KMT5B: variants seen among roughly 807,000 people sequenced by gnomAD.
The protein encoded by KMT5B is lysine methyltransferase 5B.
A neutral mutation model predicts 83.2 loss-of-function variants in KMT5B; 10 were observed. The observed-to-expected ratio is 0.12, with a 90% CI of 0.07 to 0.20. KMT5B has a LOEUF of 0.20. Among genes scored for constraint, KMT5B ranks in the 10% least tolerant of loss-of-function variants. The pLI, the probability that KMT5B is intolerant of heterozygous loss-of-function variation, is 1.00. For synonymous variants in KMT5B, 349 were observed against 388.8 expected (o/e 0.90, Z 1.20); for missense variants, 753 against 1,067.2 (o/e 0.71, Z 4.10).
intron 1 of KMT5B, among the ~76,000 whole-genome samples, chr11:68,196,129 C>A (rs1858676948): frequency 6.6e-6 from 1 of 152,086 alleles, no homozygotes; most frequent in South Asian, 2.1e-4. Context: ...TGGACTCCAG[C>A]CTGAGTGACA....
At chr11:68,209,741 G>A (rs561668435) in intron 1 of KMT5B, among the ~76,000 whole-genome samples, 2 of 152,294 alleles carry the variant, frequency 1.3e-5, no homozygotes, top group Admixed American at 6.5e-5. Context: ...AGTGGTAAGG[G>A]TGGGTCTAAA....
At chr11:68,180,863 CTT>C (rs1200532348) in intron 3 of KMT5B, among the ~76,000 whole-genome samples, 1 of 152,048 alleles carries the variant, frequency 6.6e-6, no homozygotes, top group African/African-American at 2.4e-5. Context: ...AAAAAGAAAA[CTT>C]TAGGTTTCAT....
chr11:68,160,446 G>GC (rs1401809812), intron 10 of KMT5B, among the ~76,000 whole-genome samples: 2 of 152,116 alleles, frequency 1.3e-5, no homozygotes, highest in Non-Finnish European at 2.9e-5. Context: ...CACTAGAGAA[G>GC]CCACGATAAC....
intron 4 of KMT5B, among the ~76,000 whole-genome samples, chr11:68,178,723 T>C (rs1856617805): frequency 6.6e-6 from 1 of 152,200 alleles, no homozygotes; most frequent in Admixed American, 6.5e-5. Context: ...TCAAATCCCA[T>C]TGTAACAAAT....
rs148421008 is a variant in KMT5B, at chr11:68,209,618, G to C, written c.-77+3520C>G. Among the ~76,000 whole-genome samples the C allele has an allele frequency of 1.9e-3, 291 of 152,272 alleles. 1 individual carries two copies. Among genetic ancestry groups the C allele is most frequent in the Non-Finnish European group, 3.6e-3 (244 of 68,026 alleles). On this transcript the variant is annotated intron_variant, in intron 1 of 10. Transcript: ENST00000304363. Reference sequence around the variant, plus strand: ...TTTCTACTGGTTCCCCTAACATGCAGGACTCGGGATTCGCTAGCTCAGCAA... The same window carrying C: ...TTTCTACTGGTTCCCCTAACATGCACGACTCGGGATTCGCTAGCTCAGCAA...
chr11:68,194,489 G>A (rs1244289942), intron 1 of KMT5B, among the ~76,000 whole-genome samples: 3 of 152,174 alleles, frequency 2.0e-5, no homozygotes, highest in Admixed American at 6.5e-5. Flanking sequence ...CATTGTGCCC[G>A]GCCAAGTGTT....
At chr11:68,202,122 T>C (rs776390563) in intron 1 of KMT5B, among the ~76,000 whole-genome samples, 15 of 152,100 alleles carry the variant, frequency 9.9e-5, no homozygotes, top group Non-Finnish European at 1.5e-4. Flanking sequence ...TAAATCTTTA[T>C]TTAGAAAGGC....
At chr11:68,169,153 A>C (rs1855604077) in intron 9 of KMT5B, among the ~76,000 whole-genome samples, 1 of 152,204 alleles carries the variant, frequency 6.6e-6, no homozygotes, top group African/African-American at 2.4e-5. Flanking sequence ...TCTACTTCTC[A>C]CACTAACCTT....
At chr11:68,199,021 G>A (rs943760550) in intron 1 of KMT5B, among the ~76,000 whole-genome samples, 2 of 152,172 alleles carry the variant, frequency 1.3e-5, no homozygotes, top group African/African-American at 2.4e-5. Context: ...GAGCCACCAC[G>A]CCCGGCCATT....
chr11:68,186,643 G>T (rs1345109659), intron 2 of KMT5B, among the ~76,000 whole-genome samples: 3 of 152,216 alleles, frequency 2.0e-5, no homozygotes, highest in Non-Finnish European at 4.4e-5. Context: ...GCAATGTAAA[G>T]AAGGAAATGA....
chr11:68,155,098 A>G lies in KMT5B; in HGVS notation c.*2590T>C, dbSNP rs545400339. ...TGATTGAAAATTGAATACTTTACAT[A>G]TATTTCTATGATCATCTCCTAATTC... On this transcript the variant is annotated 3_prime_UTR_variant, in exon 11 of 11. Coordinates refer to ENST00000304363, the MANE Select transcript of KMT5B (RefSeq NM_017635.5). 3 of 152,380 alleles carry G rather than the reference A, an allele frequency of 2.0e-5. No homozygotes were observed. In the South Asian group the frequency reaches 6.2e-4, roughly 32 times the overall value. 9.4% of individuals were successfully genotyped at this position (152,380 alleles called of 1,614,324 possible). A position where few individuals can be genotyped will look rare whatever the true frequency, so the allele number is the denominator to read the frequency against.
chr11:68,196,465 T>C (rs543882532), intron 1 of KMT5B, among the ~76,000 whole-genome samples: 110 of 148,244 alleles, frequency 7.4e-4, no homozygotes, highest in African/African-American at 2.7e-3. Flanking sequence ...CTTGTGTATC[T>C]AGTATAGCAC....
intron 1 of KMT5B, among the ~76,000 whole-genome samples, chr11:68,197,035 A>G (rs1858808754): frequency 6.6e-6 from 1 of 152,016 alleles, no homozygotes; most frequent in Admixed American, 6.6e-5. Context: ...CAGTGGCCCA[A>G]ACTCGGCTCA....
chr11:68,194,441 C>T (rs1858472963), intron 1 of KMT5B, among the ~76,000 whole-genome samples: 1 of 152,158 alleles, frequency 6.6e-6, no homozygotes, highest in South Asian at 2.1e-4. Context: ...GATCCTCCCA[C>T]CTCGGCCTCC....
chr11:68,180,117 A>T lies in KMT5B; in HGVS notation c.377+15T>A. The T allele has an allele frequency of 6.3e-7, 1 of 1,575,982 alleles. No individual in the cohort carries two copies. On this transcript the variant is annotated intron_variant, in intron 4 of 10. Transcript: ENST00000304363. Reference sequence around the variant, plus strand: ...GTTAGTCAGTATCTCATTGTTTTTAACACACACTACCTACCTCACAGGGTT... The same window carrying T: ...GTTAGTCAGTATCTCATTGTTTTTATCACACACTACCTACCTCACAGGGTT...
rs1386489928 is a variant in KMT5B at position 68,157,893 on chromosome 11, T to C, written c.2453A>G (p.Tyr818Cys). The change falls in exon 11 of 11, where the codon TAT (tyrosine) becomes TGT (cysteine). Residue 818 changes from tyrosine (Y) to cysteine (C), a missense_variant. Around this residue, in one of 9 missense-constraint regions of KMT5B, gnomAD observed 161 missense variants for 195.1 expected, o/e 0.83. Coordinates refer to ENST00000304363, the MANE Select transcript of KMT5B (RefSeq NM_017635.5). Reference sequence around the variant, plus strand: ...TGTACTTTCTTCCTCATACTGACTATAGTCATCCACCTCCATTCGAGACTC... The same window carrying C: ...TGTACTTTCTTCCTCATACTGACTACAGTCATCCACCTCCATTCGAGACTC... ...LLESRMEVDDYSQYEEESTDD... is the reference protein window; with the variant it reads ...LLESRMEVDDCSQYEEESTDD... 4 of 1,613,928 alleles carry C rather than the reference T, an allele frequency of 2.5e-6. No individual in the cohort carries two copies. The highest frequency in any genetic ancestry group is 1.6e-4 in the Middle Eastern group (1 of 6,084).
Position 68,157,512 on chromosome 11 carries a change from T to A in KMT5B, c.*176A>T. 1.1e-6 allele frequency: 1 copy of A among 921,982 alleles called. No individual in the cohort carries two copies. The highest frequency in any genetic ancestry group is 1.4e-6 in the Non-Finnish European group (1 of 692,922). The allele number at this position is 921,982 out of a possible 1,614,324, so 57.1% of individuals were successfully genotyped here. On this transcript the variant is annotated 3_prime_UTR_variant, in exon 11 of 11. Coordinates refer to ENST00000304363, the MANE Select transcript of KMT5B (RefSeq NM_017635.5). ...GGCTATTTAAAAAGTACGATAAAAA[T>A]TTGCACAAATCAGACTTAAGAATTG... is the stretch of plus-strand genomic sequence containing the variant.
chr11:68,159,307 C>G, intron 10 of KMT5B, 136 bp from the exon 11 acceptor site: 1 of 1,233,742 alleles, frequency 8.1e-7, no homozygotes, highest in Non-Finnish European at 1.1e-6. Flanking sequence ...GCTGCAGATT[C>G]TGCCAGCGCA....
chr11:68,185,948 G>A lies in KMT5B; in HGVS notation c.161-20C>T. 1 of 1,561,348 alleles carries A rather than the reference G, an allele frequency of 6.4e-7. No individual in the cohort carries two copies. The highest frequency in any genetic ancestry group is 1.2e-5 in the South Asian group (1 of 83,620). On this transcript the variant is annotated intron_variant, in intron 2 of 10. Coordinates refer to ENST00000304363, the MANE Select transcript of KMT5B (RefSeq NM_017635.5). ...CATTACCTGTGAAAAGCAAAAGCAA[G>A]AAAAATTACTCAAATTGAAAACTAC...
Sources: allele counts gnomAD v4.1 joint callset (sites outside exome capture counted in the v4.1 genomes callset), GRCh38; gene constraint gnomAD v4.1.1; regional missense constraint gnomAD v4.1.1; transcripts MANE v1.5; gene names NCBI Gene and HGNC (gene_info 2026-07-23, HGNC 2026-07-21).